Variants in KCNIP4 observed in about 807,000 individuals in gnomAD.
KCNIP4 encodes the protein Kv channel-interacting protein 4.
KCNIP4 carries 12 observed loss-of-function variants against 34.0 expected under a neutral mutation model. The observed-to-expected ratio is 0.35, with a 90% CI of 0.23 to 0.57. The LOEUF is 0.57. Among genes scored for constraint, KCNIP4 ranks in the 20% least tolerant of loss-of-function variants. KCNIP4 has a pLI of 0.83. For missense variants in KCNIP4, 238 were observed against 311.7 expected, an observed-to-expected ratio of 0.76 and a Z score of 1.78; for synonymous variants, 124 against 102.2, an observed-to-expected ratio of 1.21 and a Z score of -1.29.
At chr4:21,885,910 C>T (rs1338806485) in intron 1 of KCNIP4, among the ~76,000 whole-genome samples, 1 of 152,118 alleles carries the variant, frequency 6.6e-6, no homozygotes, top group African/African-American at 2.4e-5. Context: ...GGATAGACAT[C>T]CGCTCTTAAA....
intron 1 of KCNIP4, among the ~76,000 whole-genome samples, chr4:21,632,444 C>G (rs548692569): frequency 6.6e-6 from 1 of 152,104 alleles, no homozygotes; most frequent in African/African-American, 2.4e-5. Context: ...AGGCTGTTCT[C>G]GAACTCCTGA....
chr4:20,820,542 T>C (rs1398264450), intron 3 of KCNIP4, among the ~76,000 whole-genome samples: 2 of 152,098 alleles, frequency 1.3e-5, no homozygotes, highest in Non-Finnish European at 2.9e-5. Flanking sequence ...TTGTAAAGAA[T>C]AAAAAGGTGT....
intron 1 of KCNIP4, among the ~76,000 whole-genome samples, chr4:21,101,817 C>G (rs1188300193): frequency 6.6e-6 from 1 of 152,116 alleles, no homozygotes; most frequent in Admixed American, 6.6e-5. Context: ...TATCTATAGA[C>G]AACACATGAC....
chr4:21,873,168 A>C (rs2109369355), intron 1 of KCNIP4, among the ~76,000 whole-genome samples: 1 of 152,342 alleles, frequency 6.6e-6, no homozygotes, highest in Non-Finnish European at 1.5e-5. Context: ...TGAATGTTTA[A>C]ATATTAAATT....
intron 1 of KCNIP4, among the ~76,000 whole-genome samples, chr4:20,976,272 G>A (rs1735481499): frequency 6.6e-6 from 1 of 152,094 alleles, no homozygotes; most frequent in Non-Finnish European, 1.5e-5. Context: ...CCATGGGTTG[G>A]GCCCAACAAT....
At chr4:21,445,574 G>C (rs986384808) in intron 1 of KCNIP4, among the ~76,000 whole-genome samples, 1 of 152,088 alleles carries the variant, frequency 6.6e-6, no homozygotes, top group South Asian at 2.1e-4. Context: ...TAGCCATATG[G>C]AGAAAGCTGA....
chr4:21,930,307 C>T (rs1464048191), intron 1 of KCNIP4, among the ~76,000 whole-genome samples: 1 of 152,122 alleles, frequency 6.6e-6, no homozygotes, highest in East Asian at 1.9e-4. Context: ...AACACCTCTT[C>T]TCTACCTTCC....
chr4:20,785,003 C>T (rs1711755791), intron 3 of KCNIP4, among the ~76,000 whole-genome samples: 1 of 152,164 alleles, frequency 6.6e-6, no homozygotes, highest in Non-Finnish European at 1.5e-5. Context: ...TTCTGCAGAT[C>T]CTCCCCTAAC....
At chr4:21,599,526 AAATG>A (rs1207188648) in intron 1 of KCNIP4, among the ~76,000 whole-genome samples, 4 of 152,210 alleles carry the variant, frequency 2.6e-5, no homozygotes, top group African/African-American at 9.6e-5. Flanking sequence ...TAAGTACCAT[AAATG>A]GATTGACTTT....
chr4:21,547,004 G>A lies in KCNIP4; in HGVS notation c.61+401567C>T, dbSNP rs755807271. 7.2e-5 allele frequency among the ~76,000 whole-genome samples: 11 copies of A among 152,174 alleles called. No individual in the cohort carries two copies. In the South Asian group the frequency reaches 1.0e-3, roughly 14 times the overall value. On this transcript the variant is annotated intron_variant, in intron 1 of 8. Coordinates refer to ENST00000382152, the MANE Select transcript of KCNIP4 (RefSeq NM_025221.6). Reference sequence around the variant, plus strand: ...TCCAATTTCTCTTCCTTTCTACCACGGAAAAAAATATTTCCTCATCACATT... The same window carrying A: ...TCCAATTTCTCTTCCTTTCTACCACAGAAAAAAATATTTCCTCATCACATT...
At chr4:21,801,128 A>G (rs923678248) in intron 1 of KCNIP4, among the ~76,000 whole-genome samples, 6 of 152,176 alleles carry the variant, frequency 3.9e-5, no homozygotes, top group African/African-American at 1.4e-4. Flanking sequence ...GGATGATTTA[A>G]CTAGTGTGTG....
intron 1 of KCNIP4, among the ~76,000 whole-genome samples, chr4:20,914,948 C>T (rs1250060366): frequency 6.6e-6 from 1 of 152,132 alleles, no homozygotes; most frequent in East Asian, 1.9e-4. Context: ...TTCTGAGAGA[C>T]AGTAGTTCTG....
chr4:21,936,489 A>G (rs914103905), intron 1 of KCNIP4, among the ~76,000 whole-genome samples: 1 of 152,126 alleles, frequency 6.6e-6, no homozygotes, highest in African/African-American at 2.4e-5. Flanking sequence ...GCAGCGTGAG[A>G]ACAGACTAAT....
chr4:21,341,351 C>T (rs780197835), intron 1 of KCNIP4, among the ~76,000 whole-genome samples: 1 of 152,106 alleles, frequency 6.6e-6, no homozygotes, highest in Non-Finnish European at 1.5e-5. Context: ...AACTCTAATT[C>T]TGTTTGCTTC....
intron 1 of KCNIP4, among the ~76,000 whole-genome samples, chr4:21,217,855 A>C (rs2108992349): frequency 6.6e-6 from 1 of 152,242 alleles, no homozygotes; most frequent in Admixed American, 6.5e-5. Context: ...TGTGTGACTT[A>C]GTATAGCCCA....
intron 1 of KCNIP4, among the ~76,000 whole-genome samples, chr4:21,283,233 C>T (rs1203132689): frequency 6.6e-6 from 1 of 151,958 alleles, no homozygotes; most frequent in African/African-American, 2.4e-5. Flanking sequence ...AAGAACTGTC[C>T]TAAAATTGGT....
At chr4:21,755,307 T>A (rs570581034) in intron 1 of KCNIP4, among the ~76,000 whole-genome samples, 1 of 152,294 alleles carries the variant, frequency 6.6e-6, no homozygotes, top group South Asian at 2.1e-4. Context: ...GGAAATTAGA[T>A]AATAAATGTA....
chr4:21,499,403 A>C (rs1383052977), intron 1 of KCNIP4, among the ~76,000 whole-genome samples: 1 of 151,674 alleles, frequency 6.6e-6, no homozygotes, highest in African/African-American at 2.4e-5. Flanking sequence ...TTTTTATTTC[A>C]AAGCTTGAAC....
At chr4:21,487,288 A>T (rs1352038859) in intron 1 of KCNIP4, among the ~76,000 whole-genome samples, 3 of 152,130 alleles carry the variant, frequency 2.0e-5, no homozygotes. Context: ...GGCATCTTGT[A>T]TAATGTCCTT....
Sources: allele counts gnomAD v4.1 joint callset (sites outside exome capture counted in the v4.1 genomes callset), GRCh38; gene constraint gnomAD v4.1.1; transcripts MANE v1.5; gene names NCBI Gene and HGNC (gene_info 2026-07-23, HGNC 2026-07-21).